PTPRD: variants seen among roughly 807,000 people sequenced by gnomAD.
The protein encoded by PTPRD is receptor-type tyrosine-protein phosphatase delta.
In PTPRD, 34 loss-of-function variants were observed where a neutral mutation model predicts 214.5. That is an observed-to-expected ratio of 0.16 (90% CI 0.12 to 0.21). The LOEUF (loss-of-function observed/expected upper bound fraction) is 0.21. PTPRD is among the 10% of genes least tolerant of loss of function. The probability of loss-of-function intolerance (pLI) is 1.00; values close to 1 mark genes in which losing one functional copy is unlikely to be tolerated. For missense variants in PTPRD, 2,545 were observed against 2,398.7 expected, an observed-to-expected ratio of 1.06 and a Z score of -1.27; for synonymous variants, 1,128 against 845.7, an observed-to-expected ratio of 1.33 and a Z score of -5.79.
At chr9:10,202,128 C>T (rs762588261) in intron 3 of PTPRD, among the ~76,000 whole-genome samples, 1 of 152,072 alleles carries the variant, frequency 6.6e-6, no homozygotes, top group East Asian at 1.9e-4. Context: ...TAGCTGCCCT[C>T]AAATTTCTAC....
At chr9:9,000,391 A>G (rs2099413293) in intron 11 of PTPRD, among the ~76,000 whole-genome samples, 1 of 152,156 alleles carries the variant, frequency 6.6e-6, no homozygotes, top group Non-Finnish European at 1.5e-5. Context: ...ATGGGCAGGT[A>G]AGAGTAAAGA....
At chr9:9,467,120 G>C (rs779019484) in intron 8 of PTPRD, among the ~76,000 whole-genome samples, 5 of 150,172 alleles carry the variant, frequency 3.3e-5, no homozygotes, top group East Asian at 3.9e-4. Flanking sequence ...TTGTTACTAA[G>C]ATAGAAGAGG....
At chr9:9,298,415 C>A (rs569205709) in intron 9 of PTPRD, among the ~76,000 whole-genome samples, 1 of 151,744 alleles carries the variant, frequency 6.6e-6, no homozygotes, top group East Asian at 1.9e-4. Context: ...GATTTAATTT[C>A]TCCTGTGAAT....
intron 14 of PTPRD, among the ~76,000 whole-genome samples, chr9:8,550,704 G>C (rs1034345021): frequency 4.6e-5 from 7 of 152,190 alleles, no homozygotes; most frequent in Non-Finnish European, 7.3e-5. Flanking sequence ...TAATGTAACT[G>C]ATAGTATAAA....
intron 8 of PTPRD, among the ~76,000 whole-genome samples, chr9:9,445,239 G>T (rs1292903757): frequency 1.3e-5 from 2 of 152,142 alleles, no homozygotes; most frequent in African/African-American, 2.4e-5. Context: ...AAGCAATCAT[G>T]CCTCTTACCT....
At chr9:10,117,074 A>G (rs996997168) in intron 3 of PTPRD, among the ~76,000 whole-genome samples, 5 of 152,174 alleles carry the variant, frequency 3.3e-5, no homozygotes, top group African/African-American at 1.2e-4. Flanking sequence ...CTCGTAGAAT[A>G]TAAATTCATC....
intron 4 of PTPRD, among the ~76,000 whole-genome samples, chr9:9,998,758 G>T (rs558364925): frequency 6.6e-6 from 1 of 152,128 alleles, no homozygotes; most frequent in African/African-American, 2.4e-5. Flanking sequence ...AATTAGCTGA[G>T]CTAATAGCTC....
chr9:9,941,231 G>A (rs1015643255), intron 4 of PTPRD, among the ~76,000 whole-genome samples: 52 of 152,280 alleles, frequency 3.4e-4, no homozygotes, highest in Admixed American at 1.4e-3. Flanking sequence ...ATGACTATGA[G>A]GGAAGGGAAA....
chr9:8,708,870 A>G (rs1047952309), intron 12 of PTPRD, among the ~76,000 whole-genome samples: 1 of 152,150 alleles, frequency 6.6e-6, no homozygotes, highest in Non-Finnish European at 1.5e-5. Flanking sequence ...ATGAGTGAAT[A>G]AAGAAAACGT....
At chr9:8,411,541 T>G (rs1361017716) in intron 35 of PTPRD, among the ~76,000 whole-genome samples, 2 of 152,174 alleles carry the variant, frequency 1.3e-5, no homozygotes, top group African/African-American at 4.8e-5. Context: ...TGACCTTAAG[T>G]GATCCACCTG....
intron 7 of PTPRD, among the ~76,000 whole-genome samples, chr9:9,700,788 T>C (rs964825290): frequency 6.6e-6 from 1 of 152,120 alleles, no homozygotes; most frequent in African/African-American, 2.4e-5. Flanking sequence ...TATTTTCATC[T>C]CCATAAAAAT....
intron 11 of PTPRD, among the ~76,000 whole-genome samples, chr9:8,998,989 C>A (rs2099407498): frequency 6.6e-6 from 1 of 151,972 alleles, no homozygotes; most frequent in Non-Finnish European, 1.5e-5. Context: ...GCTACAGTCC[C>A]ATGATAAAGT....
chr9:10,234,839 A>G (rs10809042), intron 3 of PTPRD, among the ~76,000 whole-genome samples: 62,902 of 151,666 alleles, frequency 0.41, 14,215 homozygotes, highest in Admixed American at 0.52. Context: ...TTCTAAATAT[A>G]CTTCGGGAGA....
chr9:10,123,705 C>T (rs1044666333), intron 3 of PTPRD, among the ~76,000 whole-genome samples: 4 of 152,106 alleles, frequency 2.6e-5, no homozygotes, highest in Non-Finnish European at 5.9e-5. Flanking sequence ...GAAAAATGAC[C>T]GCATTAGTTC....
chr9:9,509,589 T>C (rs1488729183), intron 8 of PTPRD, among the ~76,000 whole-genome samples: 1 of 151,558 alleles, frequency 6.6e-6, no homozygotes, highest in Non-Finnish European at 1.5e-5. Context: ...TCTTGCTATA[T>C]AACAAACCCT....
Position 8,577,519 on chromosome 9 carries a change from T to C in PTPRD, c.353-48740A>G, listed in dbSNP as rs1190271250. ...ATCCGCCTGCCTTGGCCTCCCAAAG[T>C]GCTGGGATTATAGACGTGAGCCACT... On this transcript the variant is annotated intron_variant, in intron 14 of 45. Transcript: ENST00000381196. 3.9e-5 allele frequency among the ~76,000 whole-genome samples: 6 copies of C among 152,252 alleles called. No individual in the cohort carries two copies. The South Asian group carries it at 8.3e-4, about 21-fold the overall frequency.
chr9:10,203,944 C>A lies in PTPRD; in HGVS notation c.-545+137019G>T, dbSNP rs574527770. ...AGCTAAATCCTATCATCATTTCTAT[C>A]CCTGCCTCAATTTTGTTAGGATTTG... On this transcript the variant is annotated intron_variant, in intron 3 of 45. Transcript: ENST00000381196. Among the ~76,000 whole-genome samples the A allele has an allele frequency of 5.9e-5, 9 of 152,306 alleles. No individual in the cohort carries two copies. The East Asian group carries it at 1.4e-3, about 23-fold the overall frequency.
chr9:10,543,909 T>C (rs534140101), intron 2 of PTPRD, among the ~76,000 whole-genome samples: 1 of 152,264 alleles, frequency 6.6e-6, no homozygotes, highest in African/African-American at 2.4e-5. Flanking sequence ...CTGCTTGTGA[T>C]AGAAAAGATC....
intron 2 of PTPRD, among the ~76,000 whole-genome samples, chr9:10,579,576 T>A (rs1790742513): frequency 6.6e-6 from 1 of 152,234 alleles, no homozygotes. Flanking sequence ...GTGATTAACA[T>A]ATAAGCGCAT....
Sources: gnomAD v4.1 joint callset for allele counts (sites outside exome capture counted in the v4.1 genomes callset) on GRCh38, gnomAD v4.1.1 for gene constraint, MANE v1.5 for transcripts, NCBI Gene and HGNC (gene_info 2026-07-23, HGNC 2026-07-21) for gene names.